Variants in INPP5K observed in about 807,000 individuals in gnomAD.
The protein encoded by INPP5K is inositol polyphosphate 5-phosphatase K.
INPP5K carries 35 observed loss-of-function variants against 53.5 expected under a neutral mutation model. The ratio of observed to expected loss-of-function variants is 0.65; its 90% CI spans 0.50 to 0.87. INPP5K has a LOEUF of 0.87. INPP5K is among the 40% of genes least tolerant of loss of function. The probability of loss-of-function intolerance (pLI) is 0.00; values close to 1 mark genes in which losing one functional copy is unlikely to be tolerated. For missense variants in INPP5K, 550 were observed against 586.2 expected (o/e 0.94, Z 0.64); for synonymous variants, 253 against 232.8 (o/e 1.09, Z -0.79).
At chr17:1,504,833 T>C (rs2075116248) in intron 7 of INPP5K, among the ~76,000 whole-genome samples, 1 of 152,190 alleles carries the variant, frequency 6.6e-6, no homozygotes, top group Admixed American at 6.5e-5. Flanking sequence ...CCATCCTTTT[T>C]CCTCTTGCTG....
In INPP5K at chr17:1,497,962, G is replaced by A; in HGVS notation, c.937C>T (p.Pro313Ser). Residue 313 changes from proline (P) to serine (S), a missense_variant, in exon 8 of 12, where the codon CCT becomes TCT. Coordinates refer to ENST00000421807, the MANE Select transcript of INPP5K (RefSeq NM_016532.4). The part of the protein sequence containing the change: ...HMTYGISDHK[P>S]VSGTFDLELK... ...TCCAAGTCGAACGTGCCGGAGACAG[G>A]CTTGTGGTCGCTGATGCCGTACGTC... The A allele has an allele frequency of 6.2e-7, 1 of 1,614,024 alleles. No homozygotes were observed. The highest frequency in any genetic ancestry group is 8.5e-7 in the Non-Finnish European group (1 of 1,179,908).
At chr17:1,506,624 C>T (rs2075161572) in intron 7 of INPP5K, among the ~76,000 whole-genome samples, 1 of 152,210 alleles carries the variant, frequency 6.6e-6, no homozygotes, top group Non-Finnish European at 1.5e-5. Flanking sequence ...CTGGGCCAAG[C>T]TTTCTGCCCC....
chr17:1,516,593 G>A lies in INPP5K; in HGVS notation c.-94C>T, dbSNP rs757204689. ...CAGCCCTGCGGGCGGCCGGTCTCACGCGCCTAGCTGTCGCGGACTGTTTTT... is the reference window on the plus strand; with the variant it reads ...CAGCCCTGCGGGCGGCCGGTCTCACACGCCTAGCTGTCGCGGACTGTTTTT... On this transcript the variant is annotated 5_prime_UTR_variant, in exon 1 of 12. Transcript: ENST00000421807. 179 of 1,425,382 alleles carry A rather than the reference G, an allele frequency of 1.3e-4. No individual in the cohort carries two copies. The highest frequency in any genetic ancestry group is 1.5e-4 in the Non-Finnish European group (161 of 1,098,144). The allele number at this position is 1,425,382 out of a possible 1,614,324, so 88.3% of individuals were successfully genotyped here.
chr17:1,506,302 G>A (rs1289131530), intron 7 of INPP5K, among the ~76,000 whole-genome samples: 3 of 152,210 alleles, frequency 2.0e-5, no homozygotes, highest in African/African-American at 4.8e-5. Flanking sequence ...TGGGATTACA[G>A]GTGTGAGCCA....
chr17:1,497,780 G>A (rs1049030070), intron 8 of INPP5K, 156 bp downstream of exon 8: 8 of 657,668 alleles, frequency 1.2e-5, no homozygotes, highest in South Asian at 3.9e-5. Flanking sequence ...GCTCCTAAGA[G>A]GAGCTGGGAT....
chr17:1,496,229 A>C (rs1461382092), intron 10 of INPP5K, 65 bp from the exon 11 acceptor site: 2 of 1,505,378 alleles, frequency 1.3e-6, no homozygotes, highest in Admixed American at 1.8e-5. Flanking sequence ...GCTCTGAGTG[A>C]CAAGTTATTC....
At position 1,508,348 on chromosome 17, in the gene INPP5K, G is replaced by A. The variant is rs181543423; in HGVS notation, c.555-122C>T. 1.9e-4 allele frequency: 143 copies of A among 760,216 alleles called. 1 individual carries two copies. The African/African-American group carries it at 2.0e-3, about 11-fold the overall frequency. 47.1% of individuals were successfully genotyped at this position (760,216 alleles called of 1,614,324 possible). ...GGCACAGAAAACCTGAGGGGCAAGT[G>A]AGACGCCAGGGCACGCGTGGGTCCT... On this transcript the variant is annotated intron_variant, in intron 5 of 11. Transcript: ENST00000421807.
At chr17:1,510,011 C>T (rs746013264) in intron 3 of INPP5K, among the ~76,000 whole-genome samples, 1 of 152,336 alleles carries the variant, frequency 6.6e-6, no homozygotes, top group Middle Eastern at 3.4e-3. Context: ...CTGAGGTTTT[C>T]GATTCTGCGC....
In INPP5K at chr17:1,496,097, C is replaced by T; in HGVS notation, c.1253G>A (p.Ser418Asn). Residue 418 changes from serine to asparagine, a missense_variant, in exon 11 of 12, where the codon AGT (serine) becomes AAT (asparagine). Physicochemically the swap from Ser to Asn is conservative, Grantham distance 46. Coordinates refer to ENST00000421807, the MANE Select transcript of INPP5K (RefSeq NM_016532.4). ...DEFLLCYYSN[S>N]LRSVVGISRP... ...GCTTATCCCCACCACAGAACGCAGA[C>T]TGTTGCTGTAGTAACAGAGGAGAAA... 1 of 1,613,318 alleles carries T rather than the reference C, an allele frequency of 6.2e-7. No homozygotes were observed. The highest frequency in any genetic ancestry group is 8.5e-7 in the Non-Finnish European group (1 of 1,179,238).
chr17:1,502,862 G>A (rs2075059432), intron 7 of INPP5K, among the ~76,000 whole-genome samples: 1 of 151,740 alleles, frequency 6.6e-6, no homozygotes, highest in South Asian at 2.1e-4. Context: ...CTGAGGAGCT[G>A]GGACTTCAGG....
chr17:1,503,188 T>C (rs563230361), intron 7 of INPP5K, among the ~76,000 whole-genome samples: 9 of 122,572 alleles, frequency 7.3e-5, no homozygotes, highest in African/African-American at 2.4e-4. Flanking sequence ...GCCTGGCCTT[T>C]TTTTTTTTTT....
intron 7 of INPP5K, among the ~76,000 whole-genome samples, chr17:1,500,568 C>T (rs538715024): frequency 0.061 from 9,254 of 152,068 alleles, 317 homozygotes; most frequent in Non-Finnish European, 0.073. Context: ...GGTTTCACCG[C>T]ATTAGCCAGG....
chr17:1,500,121 AC>A (rs1449630288), intron 7 of INPP5K, among the ~76,000 whole-genome samples: 2 of 152,136 alleles, frequency 1.3e-5, no homozygotes, highest in Non-Finnish European at 2.9e-5. Context: ...CTATTTTAGA[AC>A]CTTTAAGGCA....
At position 1,511,467 on chromosome 17, in the gene INPP5K, G is replaced by A. The variant is rs541376068; in HGVS notation, c.262-1668C>T. Among the ~76,000 whole-genome samples, 61 of 152,288 alleles carry A rather than the reference G, an allele frequency of 4.0e-4. No individual in the cohort carries two copies. The South Asian group carries it at 4.8e-3, about 12-fold the overall frequency. On this transcript the variant is annotated intron_variant, in intron 3 of 11. Coordinates refer to ENST00000421807, the MANE Select transcript of INPP5K (RefSeq NM_016532.4). ...TGTGGAGGCCAAGGAGGAAATCCCCGGGTGGGGAGCGTGTACTGGGGCCTT... is the reference window on the plus strand; with the variant it reads ...TGTGGAGGCCAAGGAGGAAATCCCCAGGTGGGGAGCGTGTACTGGGGCCTT...
intron 1 of INPP5K, 24 bp downstream of exon 1, chr17:1,516,432 C>T: frequency 6.3e-7 from 1 of 1,587,438 alleles, no homozygotes; most frequent in Non-Finnish European, 8.5e-7. Context: ...AGCAGGCCTG[C>T]CTCTGCCGCC....
chr17:1,502,797 C>T (rs1447665942), intron 7 of INPP5K, among the ~76,000 whole-genome samples: 1 of 152,140 alleles, frequency 6.6e-6, no homozygotes, highest in Non-Finnish European at 1.5e-5. Context: ...GTCCTCCTAG[C>T]TCACTGCAGC....
chr17:1,502,898 T>C (rs1442407167), intron 7 of INPP5K, among the ~76,000 whole-genome samples: 2 of 151,842 alleles, frequency 1.3e-5, no homozygotes, highest in Non-Finnish European at 2.9e-5. Context: ...CAGCTGTTTT[T>C]TTTTTCTTTT....
chr17:1,516,364 G>T, intron 1 of INPP5K, 92 bp downstream of exon 1: 2 of 1,342,588 alleles, frequency 1.5e-6, no homozygotes, highest in Non-Finnish European at 2.0e-6. Context: ...AGGCAGTCAT[G>T]GAGGTCTGGT....
At chr17:1,507,149 C>T (rs2075178726) in intron 6 of INPP5K, 60 bp from the exon 7 acceptor site, 5 of 1,271,540 alleles carry the variant, frequency 3.9e-6, no homozygotes, top group Non-Finnish European at 4.6e-6. Flanking sequence ...CCCAGTACCA[C>T]ACTCCATTCA....
Sources: gnomAD v4.1 joint callset for allele counts (sites outside exome capture counted in the v4.1 genomes callset) on GRCh38, gnomAD v4.1.1 for gene constraint, MANE v1.5 for transcripts, NCBI Gene and HGNC (gene_info 2026-07-23, HGNC 2026-07-21) for gene names.